The following ANO2 variants were observed in gnomAD, a reference collection of about 807,000 sequenced individuals.
The protein encoded by ANO2 is anoctamin-2.
Under a neutral mutation model 124.2 loss-of-function variants are expected in ANO2, and 101 were observed. The ratio of observed to expected loss-of-function variants is 0.81; its 90% CI spans 0.69 to 0.96. The LOEUF is 0.96. Ranked by LOEUF, ANO2 falls within the 40% of genes least tolerant of loss-of-function variation. The probability of loss-of-function intolerance (pLI) is 0.00; values close to 1 mark genes in which losing one functional copy is unlikely to be tolerated. For synonymous variants in ANO2, 486 were observed against 482.5 expected (o/e 1.01, Z -0.09); for missense variants, 1,293 against 1,274.5 (o/e 1.01, Z -0.22).
At chr12:5,777,915 G>A (rs976233679) in intron 10 of ANO2, among the ~76,000 whole-genome samples, 1 of 152,190 alleles carries the variant, frequency 6.6e-6, no homozygotes, top group Non-Finnish European at 1.5e-5. Flanking sequence ...TGGGTAAGGT[G>A]ACTCATGTGA....
At chr12:5,732,935 C>G in intron 13 of ANO2, 3 of 1,601,292 alleles carry the variant, frequency 1.9e-6, no homozygotes, top group Non-Finnish European at 1.7e-6. Context: ...ATGGCTGATA[C>G]GAAGAGGGGC....
In ANO2 at chr12:5,832,197, C is replaced by T. The variant is rs187299794; in HGVS notation, c.785+255G>A. Among the ~76,000 whole-genome samples, 502 of 152,342 alleles carry T rather than the reference C, an allele frequency of 3.3e-3. 1 individual carries two copies. The highest frequency in any genetic ancestry group is 4.8e-3 in the Non-Finnish European group (329 of 68,030). The stretch of plus-strand genomic sequence containing the variant: ...ATTGTTGGCTGCTCCCTGGTTTGCC[C>T]TCCATCCTGCAAAATGGTGAAATGG... On this transcript the variant is annotated intron_variant, in intron 5 of 24. Coordinates refer to ENST00000682330, the MANE Select transcript of ANO2 (RefSeq NM_001364791.2).
At chr12:5,810,012 G>A (rs1953336570) in intron 7 of ANO2, among the ~76,000 whole-genome samples, 1 of 152,218 alleles carries the variant, frequency 6.6e-6, no homozygotes, top group Non-Finnish European at 1.5e-5. Context: ...GAAAGTCAAG[G>A]TAAAAGGTCC....
rs1411542757 is a variant in ANO2 at position 5,925,934 on chromosome 12, A to G, written c.23-3130T>C. The stretch of plus-strand genomic sequence containing the variant: ...TTCATTGTCACCTATTGCTGACGAC[A>G]CTTAAGTTTCACTCTAACTCTTGCT... On this transcript the variant is annotated intron_variant, in intron 1 of 24. Transcript: ENST00000682330. The surrounding 1 kb of genome is among the most constrained non-coding windows in gnomAD (Gnocchi z 4.6). 6.6e-6 allele frequency among the ~76,000 whole-genome samples: 1 copy of G among 152,154 alleles called. No homozygotes were observed. Among genetic ancestry groups the G allele is most frequent in the Non-Finnish European group, 1.5e-5 (1 of 68,026 alleles).
At chr12:5,663,163 C>G (rs393180) in intron 14 of ANO2, among the ~76,000 whole-genome samples, 152,296 of 152,330 alleles carry the variant, frequency 1, 76,131 homozygotes, top group Non-Finnish European at 1. Flanking sequence ...CCGTGTCCAG[C>G]AGCCTGCCCT....
intron 14 of ANO2, among the ~76,000 whole-genome samples, chr12:5,702,966 A>G (rs573954633): frequency 7.2e-5 from 11 of 152,350 alleles, no homozygotes; most frequent in African/African-American, 2.4e-4. Flanking sequence ...TATATCCTGT[A>G]AATATGTGTG....
intron 14 of ANO2, among the ~76,000 whole-genome samples, chr12:5,653,512 T>G (rs1388468536): frequency 6.6e-6 from 1 of 152,222 alleles, no homozygotes; most frequent in Non-Finnish European, 1.5e-5. Context: ...ACTGGTAACT[T>G]TCCTTACTGA....
intron 14 of ANO2, among the ~76,000 whole-genome samples, chr12:5,653,107 C>T (rs1444292571): frequency 1.3e-5 from 2 of 152,216 alleles, no homozygotes; most frequent in African/African-American, 4.8e-5. Flanking sequence ...ACGATAAATG[C>T]CAAGTGGCCA....
chr12:5,902,199 C>T (rs1026449447), intron 3 of ANO2, among the ~76,000 whole-genome samples: 3 of 152,116 alleles, frequency 2.0e-5, no homozygotes, highest in African/African-American at 4.8e-5. Flanking sequence ...AAAAGCAGAC[C>T]AATTAGGTTG....
intron 5 of ANO2, 81 bp from the exon 6 acceptor site, chr12:5,830,570 A>T (rs1954118716): frequency 1.3e-5 from 17 of 1,300,350 alleles, no homozygotes; most frequent in African/African-American, 4.4e-5. Flanking sequence ...ACCCACAACA[A>T]ATCTTTAGAA....
At chr12:5,569,172 C>T (rs931697621) in intron 23 of ANO2, among the ~76,000 whole-genome samples, 5 of 152,194 alleles carry the variant, frequency 3.3e-5, no homozygotes, top group Non-Finnish European at 7.3e-5. Flanking sequence ...GGGCTTCTCT[C>T]AGGACCTCTG....
rs907382840 is a variant in ANO2, at chr12:5,921,236, T to C, written c.338A>G (p.His113Arg). 6 of 1,613,864 alleles carry C rather than the reference T, an allele frequency of 3.7e-6. No individual in the cohort carries two copies. Among genetic ancestry groups the C allele is most frequent in the Non-Finnish European group, 5.1e-6 (6 of 1,179,834 alleles). ...GTGGCCAGGGAAGCCTTGGGCCAGG[T>C]GCACCCCGCGTTTCCGGTAGTGGTA... ...LAYHYRKRGV[H>R]LAQGFPGHSL... The change falls in exon 3 of 25, where the codon CAC becomes CGC. Residue 113 changes from histidine to arginine, a missense_variant. Transcript: ENST00000682330.
chr12:5,727,917 C>T (rs1950506563), intron 14 of ANO2, among the ~76,000 whole-genome samples: 1 of 152,098 alleles, frequency 6.6e-6, no homozygotes. Context: ...CGCCATTCTC[C>T]TGCCTCAGCC....
intron 14 of ANO2, among the ~76,000 whole-genome samples, chr12:5,692,487 T>C (rs759655205): frequency 1.3e-5 from 2 of 152,138 alleles, no homozygotes; most frequent in Admixed American, 6.5e-5. Context: ...CCTGAATTTG[T>C]TGCCACAAAT....
intron 13 of ANO2, among the ~76,000 whole-genome samples, chr12:5,735,758 C>T (rs1278546208): frequency 6.6e-6 from 1 of 152,134 alleles, no homozygotes; most frequent in Non-Finnish European, 1.5e-5. Flanking sequence ...CTGGAATGAG[C>T]TCGAGACAGA....
chr12:5,931,170 T>C (rs1161168746), intron 1 of ANO2, among the ~76,000 whole-genome samples: 1 of 152,170 alleles, frequency 6.6e-6, no homozygotes, highest in Non-Finnish European at 1.5e-5. Context: ...TTGTCATATA[T>C]GACATACAGG....
chr12:5,789,410 C>A (rs1444766752), intron 10 of ANO2, among the ~76,000 whole-genome samples: 2 of 152,210 alleles, frequency 1.3e-5, no homozygotes, highest in Non-Finnish European at 2.9e-5. Flanking sequence ...TCTCCAATCC[C>A]CTCTCTGTCT....
intron 14 of ANO2, among the ~76,000 whole-genome samples, chr12:5,693,952 A>G (rs1949052063): frequency 6.6e-6 from 1 of 152,122 alleles, no homozygotes; most frequent in African/African-American, 2.4e-5. Context: ...TTCATGGTAC[A>G]TATTGCTAGT....
At chr12:5,628,667 AGTGTGT>A (rs72150450) in intron 16 of ANO2, among the ~76,000 whole-genome samples, 54 of 150,908 alleles carry the variant, frequency 3.6e-4, no homozygotes, top group African/African-American at 1.2e-3. Flanking sequence ...GTAAGCAGAG[AGTGTGT>A]GTGTGTGTGT....
Sources: gnomAD v4.1 joint callset for allele counts (sites outside exome capture counted in the v4.1 genomes callset) on GRCh38, gnomAD v4.1.1 for gene constraint, Gnocchi (gnomAD v3.1) non-coding constraint, MANE v1.5 for transcripts, NCBI Gene and HGNC (gene_info 2026-07-23, HGNC 2026-07-21) for gene names.